The following SHLD2 variants were observed in gnomAD, a reference collection of about 807,000 sequenced individuals.
The protein encoded by SHLD2 is RINN1-REV7-interacting novel NHEJ regulator 2.
In SHLD2, 30 loss-of-function variants were observed where a neutral mutation model predicts 73.2. The observed-to-expected ratio is 0.41, with a 90% CI of 0.31 to 0.56. The LOEUF (loss-of-function observed/expected upper bound fraction) is 0.56, where lower values mean the gene tolerates loss of function less well. Among genes scored for constraint, SHLD2 ranks in the 20% least tolerant of loss-of-function variants. The pLI is 0.28. For synonymous variants in SHLD2, 285 were observed against 370.1 expected (o/e 0.77, Z 2.64); for missense variants, 745 against 1,055.9 (o/e 0.71, Z 4.08).
chr10:87,102,227 A>G (rs887257866), intron 2 of SHLD2, among the ~76,000 whole-genome samples: 1 of 151,910 alleles, frequency 6.6e-6, no homozygotes, highest in Non-Finnish European at 1.5e-5. Context: ...ACAGTTCTCA[A>G]CTCTTTTGGT....
intron 7 of SHLD2, among the ~76,000 whole-genome samples, chr10:87,176,530 C>A (rs1217854902): frequency 1.3e-5 from 2 of 152,210 alleles, no homozygotes; most frequent in Non-Finnish European, 2.9e-5. Context: ...AAATATAAAT[C>A]TTTGCAAATA....
rs749541799 is a variant in SHLD2, at chr10:87,151,484, A to G, written c.130A>G (p.Ser44Gly). The change falls in exon 3 of 10, where the codon AGT becomes GGT. Residue 44 changes from serine to glycine, a missense_variant. Transcript: ENST00000298786. ...DPWKKIQLLY[S>G]QHSLYLKDEK... ...CTGGAAAAAAATTCAGCTTTTATAC[A>G]GTCAACATTCTTTATATCTGAAGGA... 6 of 1,610,960 alleles carry G rather than the reference A, an allele frequency of 3.7e-6. No homozygotes were observed. The highest frequency in any genetic ancestry group is 5.1e-6 in the Non-Finnish European group (6 of 1,179,462).
At chr10:87,139,930 CTG>C (rs1845064420) in intron 2 of SHLD2, among the ~76,000 whole-genome samples, 1 of 152,024 alleles carries the variant, frequency 6.6e-6, no homozygotes, top group Non-Finnish European at 1.5e-5. Flanking sequence ...AGATTAGACA[CTG>C]TGGAAAAAAA....
At chr10:87,174,179 C>A (rs1847795791) in intron 6 of SHLD2, among the ~76,000 whole-genome samples, 1 of 150,736 alleles carries the variant, frequency 6.6e-6, no homozygotes, top group African/African-American at 2.4e-5. Context: ...CAACCAGAGT[C>A]CCTCAAAATA....
rs1231691478 is a variant in SHLD2, at chr10:87,152,171, G to A, written c.817G>A (p.Glu273Lys). ...TGTAAATAAAGGGAATGTAAACATG[G>A]AGACTGAACCAAAGGCAAGTTACGG... ...SPVNKGNVNM[E>K]TEPKASYGEI... Residue 273 changes from glutamate to lysine, a missense_variant, in exon 3 of 10, where the codon GAG (glutamate) becomes AAG (lysine). Physicochemically the swap from Glu to Lys is moderately conservative, Grantham distance 56. This residue lies in a region of SHLD2 where 280 missense variants were observed against 353.9 expected (regional missense o/e 0.79). Transcript: ENST00000298786. The A allele has an allele frequency of 2.5e-6, 4 of 1,605,986 alleles. No homozygotes were observed. The highest frequency in any genetic ancestry group is 3.4e-6 in the Non-Finnish European group (4 of 1,176,064).
At chr10:87,115,758 C>T (rs527503443) in intron 2 of SHLD2, among the ~76,000 whole-genome samples, 190 of 152,206 alleles carry the variant, frequency 1.2e-3, no homozygotes, top group African/African-American at 4.5e-3. Flanking sequence ...ATTTCGTCAA[C>T]ATCAATGAAT....
At chr10:87,100,936 T>A (rs1002792145) in intron 2 of SHLD2, among the ~76,000 whole-genome samples, 6 of 152,224 alleles carry the variant, frequency 3.9e-5, no homozygotes, top group Admixed American at 6.5e-5. Context: ...TTATGTTGAA[T>A]CTGTAGATCA....
chr10:87,144,387 A>T (rs1845424673), intron 2 of SHLD2, among the ~76,000 whole-genome samples: 1 of 152,178 alleles, frequency 6.6e-6, no homozygotes, highest in South Asian at 2.1e-4. Flanking sequence ...TACCAAAGAC[A>T]ATTGCAAAGG....
At chr10:87,135,638 T>C (rs1844747223) in intron 2 of SHLD2, among the ~76,000 whole-genome samples, 1 of 150,726 alleles carries the variant, frequency 6.6e-6, no homozygotes, top group Non-Finnish European at 1.5e-5. Flanking sequence ...GGACTACAGA[T>C]GCATGCCACC....
intron 8 of SHLD2, among the ~76,000 whole-genome samples, chr10:87,185,649 G>T (rs188526781): frequency 6.6e-6 from 1 of 152,266 alleles, no homozygotes; most frequent in East Asian, 1.9e-4. Context: ...CTAAGCCAAG[G>T]TTATGGAGAT....
intron 8 of SHLD2, among the ~76,000 whole-genome samples, chr10:87,184,134 C>T (rs568073706): frequency 1.3e-5 from 2 of 152,290 alleles, no homozygotes; most frequent in East Asian, 3.9e-4. Context: ...TGGAAAATGG[C>T]ACACCATCTA....
chr10:87,172,905 T>G (rs1186565077), intron 6 of SHLD2, among the ~76,000 whole-genome samples: 1 of 152,132 alleles, frequency 6.6e-6, no homozygotes, highest in Non-Finnish European at 1.5e-5. Flanking sequence ...GTATTATATG[T>G]GCTTTAATTT....
chr10:87,132,154 C>A (rs1381934707), intron 2 of SHLD2, among the ~76,000 whole-genome samples: 1 of 152,050 alleles, frequency 6.6e-6, no homozygotes, highest in African/African-American at 2.4e-5. Context: ...AATCTTTTGC[C>A]TCTAGATGTT....
intron 4 of SHLD2, among the ~76,000 whole-genome samples, chr10:87,162,793 C>T (rs1465527194): frequency 5.3e-5 from 8 of 152,134 alleles, no homozygotes; most frequent in Non-Finnish European, 1.0e-4. Flanking sequence ...CCATTTCTCA[C>T]CTATCAGATT....
intron 4 of SHLD2, among the ~76,000 whole-genome samples, chr10:87,169,217 G>A (rs1186249899): frequency 6.6e-6 from 1 of 152,168 alleles, no homozygotes; most frequent in Non-Finnish European, 1.5e-5. Context: ...GAGAAGTTAT[G>A]TACAAGTTCA....
chr10:87,167,225 A>C (rs977484969), intron 4 of SHLD2, among the ~76,000 whole-genome samples: 1 of 152,326 alleles, frequency 6.6e-6, no homozygotes, highest in East Asian at 1.9e-4. Context: ...TGAATCCCCT[A>C]GAGAGTTTCA....
At chr10:87,121,422 C>T (rs1026762068) in intron 2 of SHLD2, among the ~76,000 whole-genome samples, 2 of 152,154 alleles carry the variant, frequency 1.3e-5, no homozygotes, top group African/African-American at 4.8e-5. Flanking sequence ...CAAGCCCGGC[C>T]TGAATCCTGG....
chr10:87,170,462 G>T lies in SHLD2; in HGVS notation c.1634-16G>T, dbSNP rs1847518558. On this transcript the variant is annotated splice_polypyrimidine_tract_variant and intron_variant, in intron 4 of 9. Coordinates refer to ENST00000298786, the MANE Select transcript of SHLD2 (RefSeq NM_001330112.2). ...GTTGCCATCTTTTGTCTGTCTGTATGTTTTTTTTCCCTTAGATTCCAGTGT... is the reference window on the plus strand; with the variant it reads ...GTTGCCATCTTTTGTCTGTCTGTATTTTTTTTTTCCCTTAGATTCCAGTGT... 2 of 1,521,948 alleles carry T rather than the reference G, an allele frequency of 1.3e-6. No individual in the cohort carries two copies. Among genetic ancestry groups the T allele is most frequent in the Non-Finnish European group, 1.8e-6 (2 of 1,130,250 alleles). 94.3% of individuals were successfully genotyped at this position (1,521,948 alleles called of 1,614,324 possible).
intron 2 of SHLD2, among the ~76,000 whole-genome samples, chr10:87,134,761 C>G (rs1336165767): frequency 6.6e-6 from 1 of 152,192 alleles, no homozygotes; most frequent in African/African-American, 2.4e-5. Flanking sequence ...ACCCCACACT[C>G]TGGCAGTCCA....
Sources: gnomAD v4.1 joint callset for allele counts (sites outside exome capture counted in the v4.1 genomes callset) on GRCh38, gnomAD v4.1.1 for gene constraint, gnomAD v4.1.1 regional missense constraint, MANE v1.5 for transcripts, NCBI Gene and HGNC (gene_info 2026-07-23, HGNC 2026-07-21) for gene names.